DRG2: variants seen among roughly 807,000 people sequenced by gnomAD.
DRG2 encodes developmentally-regulated GTP-binding protein 2.
In DRG2, 36 loss-of-function variants were observed where a neutral mutation model predicts 53.4. The ratio of observed to expected loss-of-function variants is 0.67; its 90% confidence interval spans 0.52 to 0.89. The LOEUF is 0.89. Among genes scored for constraint, DRG2 ranks in the 40% least tolerant of loss-of-function variants. The pLI is 0.00. For synonymous variants in DRG2, 167 were observed against 192.1 expected, an observed-to-expected ratio of 0.87 and a Z score of 1.08; for missense variants, 342 against 481.2, an observed-to-expected ratio of 0.71 and a Z score of 2.71.
Position 18,100,582 on chromosome 17 carries a change from G to A in DRG2, c.554G>A (p.Gly185Asp). 2 of 1,614,244 alleles carry A rather than the reference G, an allele frequency of 1.2e-6. No individual in the cohort carries two copies. The highest frequency in any genetic ancestry group is 2.2e-5 in the South Asian group (2 of 91,090). The change falls in exon 7 of 13, where the codon GGT becomes GAT. Residue 185 changes from glycine to aspartate, a missense_variant. Gly to Asp is a moderately conservative substitution (Grantham distance 94). Transcript: ENST00000225729. The surrounding 1 kb of genome is among the most constrained non-coding windows in gnomAD (Gnocchi z 4.1). Reference protein sequence around the residue: ...PNIYFKPKKGGGISFNSTVTL... With the variant: ...PNIYFKPKKGDGISFNSTVTL... ...CTCCTCTTTCAGCCCAAGAAAGGTG[G>A]TGGCATCTCCTTTAACTCGACAGTC...
chr17:18,105,109 TG>T (rs896016087), intron 11 of DRG2, among the ~76,000 whole-genome samples: 1 of 152,032 alleles, frequency 6.6e-6, no homozygotes, highest in African/African-American at 2.4e-5. Context: ...ATAGGACTAG[TG>T]GGTCTGGCAG....
At chr17:18,093,535 C>T (rs1451169848) in intron 1 of DRG2, among the ~76,000 whole-genome samples, 1 of 152,268 alleles carries the variant, frequency 6.6e-6, no homozygotes, top group East Asian at 1.9e-4. Context: ...TCAGGCTGGT[C>T]TCGAACTCCT....
chr17:18,096,848 A>G (rs2045442456), intron 2 of DRG2: 1 of 152,224 alleles, frequency 6.6e-6, no homozygotes, highest in Admixed American at 6.5e-5. Flanking sequence ...GCCCACACCC[A>G]GTTTCCATTG....
intron 8 of DRG2, 132 bp downstream of exon 8, chr17:18,101,722 G>T: frequency 9.3e-7 from 1 of 1,076,142 alleles, no homozygotes. Flanking sequence ...CACCTCAGTG[G>T]CTGCTTGGAT....
intron 2 of DRG2, among the ~76,000 whole-genome samples, chr17:18,094,838 G>A (rs2045400114): frequency 6.6e-6 from 1 of 151,562 alleles, no homozygotes; most frequent in Non-Finnish European, 1.5e-5. Flanking sequence ...GCCAGGGGTG[G>A]TGGCGCATGC....
intron 12 of DRG2, 104 bp from the exon 13 acceptor site, chr17:18,107,050 A>T (rs2045652976): frequency 9.5e-7 from 1 of 1,054,716 alleles, no homozygotes; most frequent in African/African-American, 1.6e-5. Context: ...CCCCCACCTT[A>T]TGCCATGGCA....
chr17:18,100,396 C>T lies in DRG2; in HGVS notation c.501C>T (p.Gly167=). The change falls in exon 6 of 13, where the codon GGC becomes GGT. Residue 167 remains glycine, a synonymous_variant. Transcript: ENST00000225729. The surrounding 1 kb of genome is among the most constrained non-coding windows in gnomAD (Gnocchi z 4.1). Reference sequence around the variant, plus strand: ...TGGAGAAGGAGCTGGAGTCTGTGGGCATCCGCCTCAACAAGCACAAGCCTA... The same window carrying T: ...TGGAGAAGGAGCTGGAGTCTGTGGGTATCCGCCTCAACAAGCACAAGCCTA... ...SLLEKELESV[G]IRLNKHKPNI... is the part of the protein sequence containing the mutation. The T allele has an allele frequency of 6.2e-7, 1 of 1,614,202 alleles. No individual in the cohort carries two copies. Among genetic ancestry groups the T allele is most frequent in the Non-Finnish European group, 8.5e-7 (1 of 1,180,034 alleles).
At position 18,099,008 on chromosome 17, in the gene DRG2, G is replaced by A. The variant is rs200722317; in HGVS notation, c.316-9G>A. The A allele has an allele frequency of 9.7e-5, 156 of 1,613,764 alleles. No individual in the cohort carries two copies. The highest frequency in any genetic ancestry group is 1.2e-4 in the Non-Finnish European group (137 of 1,179,874). The stretch of plus-strand genomic sequence containing the variant: ...CCTTGCCTTACCTTTCTTCTCTTCT[G>A]CATCCTAGTACAAAGGTGCCAACAT... On this transcript the variant is annotated splice_polypyrimidine_tract_variant and intron_variant, in intron 3 of 12. Transcript: ENST00000225729. The surrounding 1 kb of genome is among the most constrained non-coding windows in gnomAD (Gnocchi z 4.4).
chr17:18,090,963 T>A (rs952458229), intron 1 of DRG2, among the ~76,000 whole-genome samples: 4 of 151,964 alleles, frequency 2.6e-5, no homozygotes, highest in African/African-American at 7.3e-5. Context: ...TGAGCCACCA[T>A]GCCCAGCTGC....
In DRG2 at chr17:18,103,720, C is replaced by A; in HGVS notation, c.807-81C>A. ...GGCCACCTGGCCAGTGGAGGTTATC[C>A]GCTCCAATAGTGAGAAGTGGAGACC... On this transcript the variant is annotated intron_variant, in intron 9 of 12. Transcript: ENST00000225729. The surrounding 1 kb of genome is among the most constrained non-coding windows in gnomAD (Gnocchi z 4.4). The A allele has an allele frequency of 7.4e-7, 1 of 1,358,198 alleles. No homozygotes were observed. The highest frequency in any genetic ancestry group is 1.1e-6 in the Non-Finnish European group (1 of 950,926). The allele number at this position is 1,358,198 out of a possible 1,614,324, so 84.1% of individuals were successfully genotyped here.
Position 18,099,495 on chromosome 17 carries a change from AAAGAAAAATGCC to A in DRG2, c.377-134_377-123del. 1 of 870,920 alleles carries A rather than the reference AAAGAAAAATGCC, an allele frequency of 1.1e-6. No homozygotes were observed. Among genetic ancestry groups the A allele is most frequent in the South Asian group, 1.5e-5 (1 of 68,294 alleles). 53.9% of individuals were successfully genotyped at this position (870,920 alleles called of 1,614,324 possible). A position where few individuals can be genotyped will look rare whatever the true frequency, so the allele number is the denominator to read the frequency against. On this transcript the variant is annotated intron_variant, in intron 4 of 12. Transcript: ENST00000225729. The surrounding 1 kb of genome is among the most constrained non-coding windows in gnomAD (Gnocchi z 4.4). The stretch of plus-strand genomic sequence containing the variant: ...TCTCCGTCAGTAAAACATGTGGATT[AAAGAAAAATGCC>A]AAGCTTGTGCTAGTATGTGGCAGAG...
At chr17:18,096,543 C>T (rs932897763) in intron 2 of DRG2, 2 of 152,244 alleles carry the variant, frequency 1.3e-5, no homozygotes, top group African/African-American at 4.8e-5. Flanking sequence ...CTTTCTGACA[C>T]TGCAAGATGC....
chr17:18,104,762 G>A lies in DRG2; in HGVS notation c.954+81G>A, dbSNP rs73979287. ...GCTCTGTTCTGCCTGAGGTGCCCTGGGCTGGGGGTGGGCTCTGCTGGTCTC... is the reference window on the plus strand; with the variant it reads ...GCTCTGTTCTGCCTGAGGTGCCCTGAGCTGGGGGTGGGCTCTGCTGGTCTC... On this transcript the variant is annotated intron_variant, in intron 11 of 12. Transcript: ENST00000225729. 4.0e-3 allele frequency: 6,426 copies of A among 1,603,834 alleles called. 248 individuals are homozygous for A. In the African/African-American group the frequency reaches 0.075, roughly 19 times the overall value.
Position 18,099,436 on chromosome 17 carries a change from A to T in DRG2, c.377-197A>T, listed in dbSNP as rs1276224613. On this transcript the variant is annotated intron_variant, in intron 4 of 12. Coordinates refer to ENST00000225729, the MANE Select transcript of DRG2 (RefSeq NM_001388.5). This position sits in a 1 kb window ranked among gnomAD's most constrained non-coding sequence, Gnocchi z 4.4. ...CCGTTATTATCCTGTTACTCCTTTTATGATGGTGGTGTCGGATTTTCTTCT... is the reference window on the plus strand; with the variant it reads ...CCGTTATTATCCTGTTACTCCTTTTTTGATGGTGGTGTCGGATTTTCTTCT... 3.0e-6 allele frequency: 2 copies of T among 659,622 alleles called. No homozygotes were observed. Among genetic ancestry groups the T allele is most frequent in the South Asian group, 1.8e-5 (1 of 55,784 alleles). 40.9% of individuals were successfully genotyped at this position (659,622 alleles called of 1,614,324 possible). A position where few individuals can be genotyped will look rare whatever the true frequency, so the allele number is the denominator to read the frequency against.
At chr17:18,093,613 C>T (rs1013600500) in intron 1 of DRG2, among the ~76,000 whole-genome samples, 200 bp from the exon 2 acceptor site, 3 of 152,054 alleles carry the variant, frequency 2.0e-5, no homozygotes, top group Non-Finnish European at 4.4e-5. Flanking sequence ...CCACTGCGCC[C>T]GGTCTAAGAG....
At position 18,099,614 on chromosome 17, in the gene DRG2, A is replaced by G. The variant is rs2045492518; in HGVS notation, c.377-19A>G. 1.3e-6 allele frequency: 2 copies of G among 1,593,376 alleles called. No homozygotes were observed. Among genetic ancestry groups the G allele is most frequent in the Non-Finnish European group, 1.7e-6 (2 of 1,170,966 alleles). ...CACATGGGTCCACATATGTAACTGCATCCCTCACACCCATCCAGGAAAAGG... is the reference window on the plus strand; with the variant it reads ...CACATGGGTCCACATATGTAACTGCGTCCCTCACACCCATCCAGGAAAAGG... On this transcript the variant is annotated intron_variant, in intron 4 of 12. Coordinates refer to ENST00000225729, the MANE Select transcript of DRG2 (RefSeq NM_001388.5). This position sits in a 1 kb window ranked among gnomAD's most constrained non-coding sequence, Gnocchi z 4.4.
Position 18,100,669 on chromosome 17 carries a change from C to T in DRG2, c.631+10C>T. The T allele has an allele frequency of 6.2e-7, 1 of 1,611,864 alleles. No individual in the cohort carries two copies. Among genetic ancestry groups the T allele is most frequent in the Non-Finnish European group, 8.5e-7 (1 of 1,178,944 alleles). ...ATCCTGCACGAATACAGTATCCTTC[C>T]CTGAAAGACACGTGAAGGAGGGCAG... On this transcript the variant is annotated intron_variant, in intron 7 of 12. Transcript: ENST00000225729. This position sits in a 1 kb window ranked among gnomAD's most constrained non-coding sequence, Gnocchi z 4.1.
intron 9 of DRG2, 55 bp downstream of exon 9, chr17:18,102,052 A>G (rs1793884723): frequency 1.3e-6 from 2 of 1,553,796 alleles, no homozygotes; most frequent in Middle Eastern, 1.7e-4. Context: ...TTCTGACCCC[A>G]GTCGTCAGGC....
rs1597735275 is a variant in DRG2 at position 18,107,535 on chromosome 17, C to A, written c.*295C>A. The A allele has an allele frequency of 2.3e-6, 1 of 440,084 alleles. No individual in the cohort carries two copies. The highest frequency in any genetic ancestry group is 4.2e-6 in the Non-Finnish European group (1 of 238,438). The allele number at this position is 440,084 out of a possible 1,614,324, so 27.3% of individuals were successfully genotyped here. A position where few individuals can be genotyped will look rare whatever the true frequency, so the allele number is the denominator to read the frequency against. On this transcript the variant is annotated 3_prime_UTR_variant, in exon 13 of 13. Coordinates refer to ENST00000225729, the MANE Select transcript of DRG2 (RefSeq NM_001388.5). Reference sequence around the variant, plus strand: ...CCCCCTGCACTGAGGGAGCAAGTTGCCCACATGCCCGCCAGCCAGGGCCTA... The same window carrying A: ...CCCCCTGCACTGAGGGAGCAAGTTGACCACATGCCCGCCAGCCAGGGCCTA...
Sources: allele counts gnomAD v4.1 joint callset (sites outside exome capture counted in the v4.1 genomes callset), GRCh38; gene constraint gnomAD v4.1.1; non-coding constraint Gnocchi (gnomAD v3.1); transcripts MANE v1.5; gene names NCBI Gene and HGNC (gene_info 2026-07-23, HGNC 2026-07-21).